The following CEP63 variants were observed in gnomAD, a reference collection of about 807,000 sequenced individuals.
CEP63 encodes centrosomal protein of 63 kDa.
Under a neutral mutation model 89.1 loss-of-function variants are expected in CEP63, and 84 were observed. The ratio of observed to expected loss-of-function variants is 0.94; its 90% CI spans 0.79 to 1.13. CEP63 has a LOEUF of 1.13. CEP63 is among the 50% of genes most tolerant of loss of function. CEP63 has a pLI of 0.00. For missense variants in CEP63, 838 were observed against 813.3 expected (o/e 1.03, Z -0.37); for synonymous variants, 267 against 272.5 (o/e 0.98, Z 0.20).
At chr3:134,647,399 T>G in the CEP63 span, 10 of 1,490,740 alleles carry the variant, frequency 6.7e-6, no homozygotes, top group Admixed American at 1.8e-5. Context: ...TTCAATGTAT[T>G]AAATCCTATA....
chr3:134,607,338 A>AACTAACTT, the CEP63 span: 1 of 985,514 alleles, frequency 1.0e-6, no homozygotes, highest in Non-Finnish European at 1.2e-6. Context: ...AGTCAGTTGG[A>AACTAACTT]ACTAACTTGG....
the CEP63 span, among the ~76,000 whole-genome samples, chr3:134,695,401 C>T: frequency 6.6e-6 from 1 of 152,224 alleles, no homozygotes; most frequent in East Asian, 1.9e-4. Context: ...CAACACTCAT[C>T]ATTTATTGAG....
At chr3:134,650,988 C>T in the CEP63 span, 1 of 1,612,536 alleles carries the variant, frequency 6.2e-7, no homozygotes, top group Non-Finnish European at 8.5e-7. Context: ...GACCTGGGCG[C>T]CGCGGCCGCA....
chr3:134,581,374 G>A (rs1294584490), intron 10 of CEP63, among the ~76,000 whole-genome samples: 1 of 152,130 alleles, frequency 6.6e-6, no homozygotes, highest in Admixed American at 6.5e-5. Flanking sequence ...GAGGTAAGGA[G>A]TTTGGGACCA....
At chr3:134,673,612 G>T in the CEP63 span, among the ~76,000 whole-genome samples, 4 of 152,152 alleles carry the variant, frequency 2.6e-5, no homozygotes, top group South Asian at 8.3e-4. Context: ...GGCCCTTGGT[G>T]CTGCCCTTTG....
At position 134,565,016 on chromosome 3, in the gene CEP63, A is replaced by T; in HGVS notation, c.*3481A>T. ...AGATATATTAATACCAAATATTAAA[A>T]TGTGTCAAGACTAAATCTGAGTTAG... On this transcript the variant is annotated 3_prime_UTR_variant, in exon 15 of 15. Transcript: ENST00000675561. 2 of 949,682 alleles carry T rather than the reference A, an allele frequency of 2.1e-6. No homozygotes were observed. The highest frequency in any genetic ancestry group is 2.5e-6 in the Non-Finnish European group (2 of 797,556). 58.8% of individuals were successfully genotyped at this position (949,682 alleles called of 1,614,324 possible).
chr3:134,759,260 A>G, the CEP63 span, among the ~76,000 whole-genome samples: 3 of 152,200 alleles, frequency 2.0e-5, no homozygotes, highest in African/African-American at 7.2e-5. Context: ...CTCTGACCCT[A>G]TGCCTTATTA....
At chr3:134,588,117 AC>A (rs1479362874), downstream of CEP63, among the ~76,000 whole-genome samples, 1 of 151,972 alleles carries the variant, frequency 6.6e-6, no homozygotes, top group African/African-American at 2.4e-5. Context: ...ACATGGCAAA[AC>A]CCCGTCTCTA....
intron 12 of CEP63, 76 bp from the exon 13 acceptor site, chr3:134,558,066 A>T: frequency 7.6e-7 from 1 of 1,314,844 alleles, no homozygotes; most frequent in South Asian, 1.2e-5. Flanking sequence ...AAAACACTGA[A>T]TTTTCCAACC....
the CEP63 span, among the ~76,000 whole-genome samples, chr3:134,661,829 G>A: frequency 6.7e-6 from 1 of 149,908 alleles, no homozygotes; most frequent in Non-Finnish European, 1.5e-5. Flanking sequence ...AAATTCATAT[G>A]TTGAGATCCT....
intron 3 of CEP63, among the ~76,000 whole-genome samples, chr3:134,517,014 C>T (rs1946400615): frequency 6.6e-6 from 1 of 152,214 alleles, no homozygotes. Flanking sequence ...AATTCTCCAA[C>T]TTCCCATTCC....
At chr3:134,674,316 T>C in the CEP63 span, among the ~76,000 whole-genome samples, 1 of 152,216 alleles carries the variant, frequency 6.6e-6, no homozygotes, top group African/African-American at 2.4e-5. Context: ...AAATATACCA[T>C]ATTAATAGAA....
At chr3:134,551,821 A>G (rs1034783600) in intron 11 of CEP63, 105 bp from the exon 12 acceptor site, 1 of 437,872 alleles carries the variant, frequency 2.3e-6, no homozygotes. Context: ...ATATATATAA[A>G]TGAAGAATAT....
chr3:134,600,022 C>T, the CEP63 span, among the ~76,000 whole-genome samples: 3 of 152,228 alleles, frequency 2.0e-5, no homozygotes, highest in Admixed American at 1.3e-4. Context: ...TCAATGCACA[C>T]ATTATGAGAA....
chr3:134,603,413 A>T, the CEP63 span: 1 of 630,738 alleles, frequency 1.6e-6, no homozygotes, highest in Admixed American at 3.1e-5. Flanking sequence ...AGCCTTCAGA[A>T]CACAAAGATC....
the CEP63 span, chr3:134,608,279 G>T: frequency 8.3e-7 from 1 of 1,208,492 alleles, no homozygotes; most frequent in Non-Finnish European, 1.0e-6. Context: ...TCCCTGCTAT[G>T]TGAACTGAGA....
rs770399647 is a variant in CEP63, at chr3:134,546,146, C to T, written c.790-3C>T. The T allele has an allele frequency of 3.7e-6, 6 of 1,613,186 alleles. No individual in the cohort carries two copies. The highest frequency in any genetic ancestry group is 5.1e-6 in the Non-Finnish European group (6 of 1,179,790). Reference sequence around the variant, plus strand: ...ATTATAATCATATTTGACTTTTTTGCAGGCTCTGCAGGAAGAAAAGAGAGA... The same window carrying T: ...ATTATAATCATATTTGACTTTTTTGTAGGCTCTGCAGGAAGAAAAGAGAGA... On this transcript the variant is annotated splice_polypyrimidine_tract_variant and splice_region_variant and intron_variant, in intron 7 of 14. Transcript: ENST00000675561.
chr3:134,748,528 C>A, the CEP63 span, among the ~76,000 whole-genome samples: 5 of 151,996 alleles, frequency 3.3e-5, no homozygotes, highest in East Asian at 9.6e-4. Context: ...TACTGAATGC[C>A]GCCCAGAAGA....
At chr3:134,638,448 AGGC>A in the CEP63 span, among the ~76,000 whole-genome samples, 1 of 152,194 alleles carries the variant, frequency 6.6e-6, no homozygotes, top group Non-Finnish European at 1.5e-5. Context: ...AACCTACAGG[AGGC>A]CTTTCCTGGG....
Sources: gnomAD v4.1 joint callset for allele counts (sites outside exome capture counted in the v4.1 genomes callset) on GRCh38, gnomAD v4.1.1 for gene constraint, MANE v1.5 for transcripts, NCBI Gene and HGNC (gene_info 2026-07-23, HGNC 2026-07-21) for gene names.